Variants in NAALADL2 observed in about 807,000 individuals in gnomAD.
NAALADL2 encodes the protein inactive N-acetylated-alpha-linked acidic dipeptidase-like protein 2.
Under a neutral mutation model 87.2 loss-of-function variants are expected in NAALADL2, and 76 were observed. That is an observed-to-expected ratio of 0.87 (90% CI 0.72 to 1.05). The LOEUF (loss-of-function observed/expected upper bound fraction) is 1.05. Ranked by LOEUF, NAALADL2 falls within the 50% of genes least tolerant of loss-of-function variation. NAALADL2 has a pLI of 0.00. For synonymous variants in NAALADL2, 354 were observed against 331.0 expected (o/e 1.07, Z -0.75); for missense variants, 1,089 against 945.8 (o/e 1.15, Z -1.99).
chr3:174,876,462 G>C (rs1728523538), intron 1 of NAALADL2, among the ~76,000 whole-genome samples: 1 of 152,084 alleles, frequency 6.6e-6, no homozygotes, highest in Non-Finnish European at 1.5e-5. Flanking sequence ...ATTGTTCACA[G>C]TAAATGTTTA....
chr3:175,670,262 C>A (rs536059245), intron 11 of NAALADL2, among the ~76,000 whole-genome samples: 58 of 151,634 alleles, frequency 3.8e-4, no homozygotes, highest in Non-Finnish European at 7.7e-4. Flanking sequence ...CAGCAATAAT[C>A]ACTTCAAAGT....
At chr3:174,589,419 T>C (rs1165265021) in intron 2 of NAALADL2, among the ~76,000 whole-genome samples, 2 of 152,116 alleles carry the variant, frequency 1.3e-5, no homozygotes, top group African/African-American at 2.4e-5. Flanking sequence ...GGTACCTCAG[T>C]TGGAAATGCA....
At chr3:175,413,238 C>T (rs1713936803) in intron 5 of NAALADL2, among the ~76,000 whole-genome samples, 1 of 147,754 alleles carries the variant, frequency 6.8e-6, no homozygotes, top group African/African-American at 2.5e-5. Context: ...AGATGGAGAA[C>T]ATCCTGGCTA....
At chr3:174,873,187 C>T (rs981110069) in intron 1 of NAALADL2, among the ~76,000 whole-genome samples, 1 of 142,942 alleles carries the variant, frequency 7.0e-6, no homozygotes, top group African/African-American at 2.9e-5. Context: ...CTAAAACTCA[C>T]TCTCTCTGTC....
intron 1 of NAALADL2, among the ~76,000 whole-genome samples, chr3:175,079,060 G>T (rs1717213989): frequency 1.3e-5 from 2 of 152,084 alleles, no homozygotes; most frequent in African/African-American, 4.8e-5. Context: ...CAACGTATGG[G>T]GTTCTAATTT....
intron 1 of NAALADL2, among the ~76,000 whole-genome samples, chr3:174,990,335 C>G (rs1315582949): frequency 2.0e-5 from 3 of 152,138 alleles, no homozygotes; most frequent in Non-Finnish European, 4.4e-5. Flanking sequence ...CATATTTTAT[C>G]AGTCTCTTAC....
intron 2 of NAALADL2, among the ~76,000 whole-genome samples, chr3:174,734,311 C>T (rs1266936124): frequency 1.3e-5 from 2 of 152,092 alleles, no homozygotes; most frequent in Admixed American, 6.5e-5. Context: ...TGTGTGTATC[C>T]ATACTAATGT....
At chr3:174,495,263 C>CAAAAAAA (rs199803612) in intron 1 of NAALADL2, among the ~76,000 whole-genome samples, 1 of 120,394 alleles carries the variant, frequency 8.3e-6, no homozygotes, top group Non-Finnish European at 1.8e-5. Context: ...ATTAACAAAC[C>CAAAAAAA]AAAAAAAAAA....
At chr3:174,663,216 T>C (rs1725669703) in intron 2 of NAALADL2, among the ~76,000 whole-genome samples, 1 of 152,170 alleles carries the variant, frequency 6.6e-6, no homozygotes, top group African/African-American at 2.4e-5. Context: ...ATTGATATTA[T>C]CTCAGTTTCT....
intron 3 of NAALADL2, among the ~76,000 whole-genome samples, chr3:174,821,021 A>G (rs1721362206): frequency 6.6e-6 from 1 of 152,152 alleles, no homozygotes; most frequent in South Asian, 2.1e-4. Flanking sequence ...CCCCAGGTCA[A>G]CATTCTCAAG....
intron 4 of NAALADL2, among the ~76,000 whole-genome samples, chr3:175,314,696 A>AGTTCTATC (rs1287367035): frequency 2.3e-5 from 2 of 87,846 alleles, no homozygotes; most frequent in Non-Finnish European, 4.4e-5. Flanking sequence ...ATATATATAT[A>AGTTCTATC]TATATATATA....
intron 1 of NAALADL2, among the ~76,000 whole-genome samples, chr3:175,065,263 G>T (rs938478494): frequency 6.6e-6 from 1 of 152,054 alleles, no homozygotes; most frequent in South Asian, 2.1e-4. Context: ...TTCTATTGTC[G>T]TCGGGACTCC....
rs535082315 is a variant in NAALADL2 at position 175,463,731 on chromosome 3, A to G, written c.1327+238A>G. Among the ~76,000 whole-genome samples, 337 of 151,866 alleles carry G rather than the reference A, an allele frequency of 2.2e-3. 1 individual carries two copies. The highest frequency in any genetic ancestry group is 7.9e-3 in the African/African-American group (325 of 41,288). ...GAGAGAGAGAGAGAGAGAGAGAGAG[A>G]GAGAGGTGGGGATCTCTCAGGAGGA... On this transcript the variant is annotated intron_variant, in intron 7 of 13. Coordinates refer to ENST00000454872, the MANE Select transcript of NAALADL2 (RefSeq NM_207015.3).
At chr3:175,550,575 C>G (rs921059103) in intron 9 of NAALADL2, among the ~76,000 whole-genome samples, 1 of 152,168 alleles carries the variant, frequency 6.6e-6, no homozygotes, top group East Asian at 1.9e-4. Context: ...TTACTCCCTT[C>G]TTACAGGAAA....
intron 3 of NAALADL2, among the ~76,000 whole-genome samples, chr3:174,778,699 A>T (rs973091853): frequency 6.6e-5 from 10 of 151,636 alleles, no homozygotes; most frequent in Middle Eastern, 3.4e-3. Context: ...TCATTGTTCA[A>T]CTCCTACTTC....
intron 2 of NAALADL2, among the ~76,000 whole-genome samples, chr3:175,216,831 G>C (rs942294730): frequency 5.9e-5 from 9 of 151,850 alleles, no homozygotes; most frequent in African/African-American, 2.2e-4. Flanking sequence ...ACAATGCCCA[G>C]CTAATTTTTG....
chr3:174,932,388 T>G (rs1220826608), intron 1 of NAALADL2, among the ~76,000 whole-genome samples: 1 of 152,206 alleles, frequency 6.6e-6, no homozygotes, highest in Non-Finnish European at 1.5e-5. Flanking sequence ...TTTCCATACT[T>G]CCAAATATTA....
chr3:175,329,017 A>G (rs1176772127), intron 5 of NAALADL2, among the ~76,000 whole-genome samples: 1 of 152,140 alleles, frequency 6.6e-6, no homozygotes, highest in Non-Finnish European at 1.5e-5. Flanking sequence ...TCTTCCATCT[A>G]CTTTCTTTAA....
At chr3:175,790,391 A>AT (rs141700074) in intron 13 of NAALADL2, among the ~76,000 whole-genome samples, 3,084 of 152,234 alleles carry the variant, frequency 0.02, 103 homozygotes, top group African/African-American at 0.07. Context: ...CTTTGACTAA[A>AT]TACTGCCTTT....
Sources: gnomAD v4.1 joint callset for allele counts (sites outside exome capture counted in the v4.1 genomes callset) on GRCh38, gnomAD v4.1.1 for gene constraint, MANE v1.5 for transcripts, NCBI Gene and HGNC (gene_info 2026-07-23, HGNC 2026-07-21) for gene names.